CLECL1: variants seen among roughly 807,000 people sequenced by gnomAD.
The protein encoded by CLECL1 is C-type lectin like 1, also known as C-type lectin-like domain family 1.
chr12:9,733,604 A>G (rs1417538158), upstream of CLECL1, among the ~76,000 whole-genome samples: 1 of 152,210 alleles, frequency 6.6e-6, no homozygotes, highest in Admixed American at 6.5e-5. Context: ...TTATAATATT[A>G]ACATTAAACT....
At chr12:9,711,380 A>G (rs1249475569), downstream of CLECL1, among the ~76,000 whole-genome samples, 1 of 152,186 alleles carries the variant, frequency 6.6e-6, no homozygotes, top group Non-Finnish European at 1.5e-5. Context: ...TACTTAATCT[A>G]AAAGCTTTGG....
chr12:9,728,157 A>G (rs752458784), intron 2 of CLECL1, among the ~76,000 whole-genome samples: 3 of 151,864 alleles, frequency 2.0e-5, no homozygotes, highest in Non-Finnish European at 4.4e-5. Context: ...TTCTGCAACG[A>G]AGAAAATATT....
chr12:9,711,616 C>T (rs993647738), downstream of CLECL1, among the ~76,000 whole-genome samples: 3 of 152,014 alleles, frequency 2.0e-5, no homozygotes, highest in African/African-American at 7.2e-5. Flanking sequence ...TTAAAAGAAA[C>T]CCTCTCCCCA....
chr12:9,717,634 G>A (rs1346320776), downstream of CLECL1, among the ~76,000 whole-genome samples: 1 of 152,174 alleles, frequency 6.6e-6, no homozygotes, highest in South Asian at 2.1e-4. Flanking sequence ...AGGCATACAA[G>A]TGAGATAATA....
chr12:9,729,519 C>A (rs1013746254), intron 2 of CLECL1, among the ~76,000 whole-genome samples: 1 of 152,020 alleles, frequency 6.6e-6, no homozygotes, highest in African/African-American at 2.4e-5. Flanking sequence ...ATTTAAATAG[C>A]AAACACAGTT....
intron 3 of CLECL1, among the ~76,000 whole-genome samples, chr12:9,724,028 TA>T (rs1380032975): frequency 6.7e-6 from 1 of 148,866 alleles, no homozygotes; most frequent in African/African-American, 2.5e-5. Context: ...CTACAAAAAA[TA>T]AAAAAAAATT....
chr12:9,710,262 T>C, the CLECL1 span, among the ~76,000 whole-genome samples: 3 of 152,312 alleles, frequency 2.0e-5, no homozygotes, highest in Middle Eastern at 6.8e-3. Flanking sequence ...AAACTCCAAA[T>C]GTTCAGGCAA....
downstream of CLECL1, chr12:9,718,807 C>T (rs1389306680): frequency 2.9e-6 from 2 of 691,684 alleles, no homozygotes; most frequent in Non-Finnish European, 5.3e-6. Flanking sequence ...TCAGAAGAAA[C>T]CAAACCTGCC....
chr12:9,710,533 CT>C, the CLECL1 span, among the ~76,000 whole-genome samples: 1 of 152,306 alleles, frequency 6.6e-6, no homozygotes, highest in South Asian at 2.1e-4. Context: ...ACTCACGGAC[CT>C]AACTGAGAAC....
At chr12:9,703,375 G>A in the CLECL1 span, among the ~76,000 whole-genome samples, 1 of 147,956 alleles carries the variant, frequency 6.8e-6, no homozygotes, top group African/African-American at 2.5e-5. Context: ...TTTGTGCTAG[G>A]TTATTTATTT....
chr12:9,733,723 AT>A (rs200858585), upstream of CLECL1, among the ~76,000 whole-genome samples: 2,475 of 152,320 alleles, frequency 0.016, 72 homozygotes, highest in African/African-American at 0.056. Flanking sequence ...AAAGAAAAAA[AT>A]CTAATTTTAA....
At chr12:9,712,440 G>T (rs1228117484), downstream of CLECL1, among the ~76,000 whole-genome samples, 1 of 152,186 alleles carries the variant, frequency 6.6e-6, no homozygotes, top group African/African-American at 2.4e-5. Context: ...TTTAGTGCCT[G>T]TTGCACCATA....
chr12:9,727,961 C>A (rs140406150), intron 2 of CLECL1, among the ~76,000 whole-genome samples: 5,477 of 151,798 alleles, frequency 0.036, 161 homozygotes, highest in Non-Finnish European at 0.051. Flanking sequence ...TTAATAAGGA[C>A]AAAATGTCCA....
chr12:9,733,270 A>G, upstream of CLECL1: 1 of 1,579,714 alleles, frequency 6.3e-7, no homozygotes, highest in Non-Finnish European at 8.6e-7. Context: ...ACCATACAGT[A>G]GGTTCTCGTT....
the CLECL1 span, among the ~76,000 whole-genome samples, chr12:9,706,620 T>A: frequency 6.6e-6 from 1 of 152,170 alleles, no homozygotes; most frequent in African/African-American, 2.4e-5. Context: ...AAGCATGTGG[T>A]TTTTGTCTTT....
downstream of CLECL1, among the ~76,000 whole-genome samples, chr12:9,718,180 T>C (rs1303175956): frequency 1.3e-5 from 2 of 152,180 alleles, no homozygotes; most frequent in Non-Finnish European, 2.9e-5. Flanking sequence ...ACATTTTGTA[T>C]GATATTTATA....
downstream of CLECL1, among the ~76,000 whole-genome samples, chr12:9,711,039 C>A (rs776995452): frequency 2.6e-5 from 4 of 152,136 alleles, no homozygotes; most frequent in Non-Finnish European, 5.9e-5. Context: ...GCACCTAGAG[C>A]GGCTAAACTA....
downstream of CLECL1, chr12:9,722,464 C>A: frequency 9.1e-7 from 1 of 1,102,044 alleles, no homozygotes; most frequent in Non-Finnish European, 1.2e-6. Flanking sequence ...CTCCTCCTAG[C>A]CGGAAAAAAA....
chr12:9,720,133 G>A (rs76821152), downstream of CLECL1, among the ~76,000 whole-genome samples: 16,920 of 152,018 alleles, frequency 0.11, 988 homozygotes, highest in Non-Finnish European at 0.13. Context: ...GGATATAGTC[G>A]TTGGTCCAGT....
Sources: gnomAD v4.1 joint callset for allele counts (sites outside exome capture counted in the v4.1 genomes callset) on GRCh38, gnomAD v4.1.1 for gene constraint, MANE v1.5 for transcripts, NCBI Gene and HGNC (gene_info 2026-07-23, HGNC 2026-07-21) for gene names.